The following VWC2 variants were observed in gnomAD, a reference collection of about 807,000 sequenced individuals.
VWC2 encodes the protein von Willebrand factor C domain containing 2, also known as brorin.
Under a neutral mutation model 29.8 loss-of-function variants are expected in VWC2, and 14 were observed. That is an observed-to-expected ratio of 0.47 (90% CI 0.31 to 0.74). The LOEUF is 0.74. VWC2 is among the 30% of genes least tolerant of loss of function. The probability of loss-of-function intolerance (pLI) is 0.05; values close to 1 mark genes in which losing one functional copy is unlikely to be tolerated. For synonymous variants in VWC2, 213 were observed against 199.0 expected (o/e 1.07, Z -0.59); for missense variants, 457 against 459.8 (o/e 0.99, Z 0.05).
intron 2 of VWC2, among the ~76,000 whole-genome samples, chr7:49,792,241 A>G (rs532516722): frequency 6.6e-6 from 1 of 152,204 alleles, no homozygotes; most frequent in African/African-American, 2.4e-5. Flanking sequence ...TGGAGTGTCC[A>G]TCATGAGCCA....
At chr7:49,818,048 T>C (rs1421270989) in intron 3 of VWC2, among the ~76,000 whole-genome samples, 1 of 152,230 alleles carries the variant, frequency 6.6e-6, no homozygotes, top group Non-Finnish European at 1.5e-5. Flanking sequence ...TACAAAAGTA[T>C]ACATTAGACT....
At chr7:49,882,720 C>T (rs1441778107) in intron 3 of VWC2, among the ~76,000 whole-genome samples, 5 of 152,236 alleles carry the variant, frequency 3.3e-5, no homozygotes, top group Admixed American at 2.6e-4. Flanking sequence ...CAATGTGTAA[C>T]CTTCCTAAGG....
At chr7:49,790,139 C>T (rs921876193) in intron 2 of VWC2, among the ~76,000 whole-genome samples, 13 of 152,294 alleles carry the variant, frequency 8.5e-5, no homozygotes, top group African/African-American at 3.1e-4. Flanking sequence ...ACTAGTTTTT[C>T]CCCCGCATAA....
chr7:49,788,806 G>A (rs1038764593), intron 2 of VWC2, among the ~76,000 whole-genome samples: 1 of 150,298 alleles, frequency 6.7e-6, no homozygotes, highest in South Asian at 2.1e-4. Context: ...GTGACTGTGT[G>A]GGTGCGTGTG....
chr7:49,809,367 T>A (rs1788948260), intron 3 of VWC2, among the ~76,000 whole-genome samples: 1 of 151,942 alleles, frequency 6.6e-6, no homozygotes, highest in Non-Finnish European at 1.5e-5. Flanking sequence ...AAATACAAAT[T>A]AATAATTAAG....
intron 3 of VWC2, among the ~76,000 whole-genome samples, chr7:49,881,558 T>C (rs1043950305): frequency 2.6e-5 from 4 of 152,152 alleles, no homozygotes; most frequent in Non-Finnish European, 5.9e-5. Context: ...GCTCAAGATA[T>C]GTGTTATTAG....
intron 2 of VWC2, among the ~76,000 whole-genome samples, chr7:49,789,849 C>T (rs189574884): frequency 1.4e-3 from 218 of 152,362 alleles, no homozygotes; most frequent in African/African-American, 4.9e-3. Flanking sequence ...AAGATTTCAG[C>T]GTCACCCATG....
At chr7:49,787,591 C>T (rs1562704053) in intron 2 of VWC2, among the ~76,000 whole-genome samples, 2 of 152,214 alleles carry the variant, frequency 1.3e-5, no homozygotes, top group Non-Finnish European at 2.9e-5. Context: ...CAGATGCTCA[C>T]CTTTCTTTCT....
rs1341396571 is a variant in VWC2, at chr7:49,775,425, C to A, written c.-11C>A. ...CTCCCCGCCCGCCCGCCCGCCGGGA[C>A]GTGGTAGGGGATGCCCAGCTCCACT... On this transcript the variant is annotated 5_prime_UTR_variant, in exon 2 of 4. Coordinates refer to ENST00000340652, the MANE Select transcript of VWC2 (RefSeq NM_198570.5). The A allele has an allele frequency of 8.3e-6, 11 of 1,330,794 alleles. No individual in the cohort carries two copies. The highest frequency in any genetic ancestry group is 9.6e-6 in the Non-Finnish European group (10 of 1,036,454). The allele number at this position is 1,330,794 out of a possible 1,614,324, so 82.4% of individuals were successfully genotyped here.
Position 49,865,115 on chromosome 7 carries a change from T to C in VWC2, c.827-46919T>C, listed in dbSNP as rs115027541. On this transcript the variant is annotated intron_variant, in intron 3 of 3. Coordinates refer to ENST00000340652, the MANE Select transcript of VWC2 (RefSeq NM_198570.5). Reference sequence around the variant, plus strand: ...CATGTTTTCTTGCTGAAATTTGCCATGTAAAGATGTAATTGATTTTGTATA... The same window carrying C: ...CATGTTTTCTTGCTGAAATTTGCCACGTAAAGATGTAATTGATTTTGTATA... 7.5e-3 allele frequency among the ~76,000 whole-genome samples: 1,141 copies of C among 152,334 alleles called. 23 individuals carry two copies. Among genetic ancestry groups the C allele is most frequent in the African/African-American group, 0.026 (1,081 of 41,576 alleles).
rs1793721701 is a variant in VWC2, at chr7:49,916,312, C to T, written c.*4127C>T. 6.6e-6 allele frequency: 1 copy of T among 152,182 alleles called. No individual in the cohort carries two copies. The highest frequency in any genetic ancestry group is 1.5e-5 in the Non-Finnish European group (1 of 68,038). The allele number at this position is 152,182 out of a possible 1,614,324, so 9.4% of individuals were successfully genotyped here. On this transcript the variant is annotated 3_prime_UTR_variant, in exon 4 of 4. Coordinates refer to ENST00000340652, the MANE Select transcript of VWC2 (RefSeq NM_198570.5). ...ACCCAGGCCCCTGTGGCTGGTGAGACTTCTGGGCCCTGGGTACCACAGACT... is the reference window on the plus strand; with the variant it reads ...ACCCAGGCCCCTGTGGCTGGTGAGATTTCTGGGCCCTGGGTACCACAGACT...
intron 3 of VWC2, among the ~76,000 whole-genome samples, chr7:49,848,818 C>T (rs1003114793): frequency 6.6e-6 from 1 of 152,172 alleles, no homozygotes; most frequent in Non-Finnish European, 1.5e-5. Context: ...AATTCAAATA[C>T]ACTTTTATAG....
intron 3 of VWC2, among the ~76,000 whole-genome samples, chr7:49,808,110 A>G (rs1435443996): frequency 6.6e-6 from 1 of 152,136 alleles, no homozygotes; most frequent in Non-Finnish European, 1.5e-5. Context: ...AGAAAAAATA[A>G]AAAAATAGAA....
chr7:49,782,087 T>G (rs566283672), intron 2 of VWC2, among the ~76,000 whole-genome samples: 192 of 152,318 alleles, frequency 1.3e-3, no homozygotes, highest in Middle Eastern at 3.4e-3. Flanking sequence ...TGCCTGTATT[T>G]GACAAGCGGG....
chr7:49,830,599 A>C (rs1789503400), intron 3 of VWC2, among the ~76,000 whole-genome samples: 1 of 152,102 alleles, frequency 6.6e-6, no homozygotes, highest in African/African-American at 2.4e-5. Flanking sequence ...TACTTGTGCC[A>C]TGTTGGTGTG....
At chr7:49,819,328 G>A (rs549093508) in intron 3 of VWC2, among the ~76,000 whole-genome samples, 98 of 152,304 alleles carry the variant, frequency 6.4e-4, no homozygotes, top group African/African-American at 2.1e-3. Context: ...CACAGAAAGC[G>A]TTGTGTGTGC....
Position 49,775,727 on chromosome 7 carries a change from G to T in VWC2, c.292G>T (p.Val98Phe), listed in dbSNP as rs762235268. Residue 98 changes from valine (V) to phenylalanine (F), a missense_variant, in exon 2 of 4, where the codon GTC (valine) becomes TTC (phenylalanine). Transcript: ENST00000340652. ...EPWSKLKQAW[V>F]SQGGGAKAGD... ...GTGGAGCAAGCTGAAGCAGGCCTGG[G>T]TCTCCCAGGGCGGGGGCGCCAAGGC... 2.6e-6 allele frequency: 4 copies of T among 1,517,108 alleles called. No homozygotes were observed. In the African/African-American group the frequency reaches 4.2e-5, roughly 16 times the overall value. 94.0% of individuals were successfully genotyped at this position (1,517,108 alleles called of 1,614,324 possible).
chr7:49,851,267 A>G (rs1477056183), intron 3 of VWC2, among the ~76,000 whole-genome samples: 3 of 152,206 alleles, frequency 2.0e-5, no homozygotes, highest in Admixed American at 1.3e-4. Flanking sequence ...TGGGTAATCC[A>G]GGATGATCTC....
At position 49,917,411 on chromosome 7, in the gene VWC2, T is replaced by G. The variant is rs1248049640; in HGVS notation, c.*5226T>G. On this transcript the variant is annotated 3_prime_UTR_variant, in exon 4 of 4. Transcript: ENST00000340652. ...AAAGTTTCAATAGAATTAGGAAACTTAAATGAAAATGTGCTCTCAGTGCTT... is the reference window on the plus strand; with the variant it reads ...AAAGTTTCAATAGAATTAGGAAACTGAAATGAAAATGTGCTCTCAGTGCTT... 6.6e-6 allele frequency: 1 copy of G among 152,200 alleles called. No homozygotes were observed. Among genetic ancestry groups the G allele is most frequent in the Non-Finnish European group, 1.5e-5 (1 of 68,030 alleles). The allele number at this position is 152,200 out of a possible 1,614,324, so 9.4% of individuals were successfully genotyped here. A position where few individuals can be genotyped will look rare whatever the true frequency, so the allele number is the denominator to read the frequency against.
Sources: gnomAD v4.1 joint callset for allele counts (sites outside exome capture counted in the v4.1 genomes callset) on GRCh38, gnomAD v4.1.1 for gene constraint, MANE v1.5 for transcripts, NCBI Gene and HGNC (gene_info 2026-07-23, HGNC 2026-07-21) for gene names.